TEAD1: variants seen among roughly 807,000 people sequenced by gnomAD.
TEAD1 encodes transcriptional enhancer factor TEF-1.
Under a neutral mutation model 54.9 loss-of-function variants are expected in TEAD1, and 9 were observed. That is an observed-to-expected ratio of 0.16 (90% CI 0.10 to 0.29). The LOEUF (loss-of-function observed/expected upper bound fraction) is 0.29, where lower values mean the gene tolerates loss of function less well. TEAD1 is among the 10% of genes least tolerant of loss of function. The probability of loss-of-function intolerance (pLI) is 1.00; values close to 1 mark genes in which losing one functional copy is unlikely to be tolerated. For missense variants in TEAD1, 387 were observed against 535.9 expected, an observed-to-expected ratio of 0.72 and a Z score of 2.74; for synonymous variants, 200 against 187.8, an observed-to-expected ratio of 1.07 and a Z score of -0.53.
chr11:12,699,493 C>A (rs1200719223), intron 2 of TEAD1, among the ~76,000 whole-genome samples: 1 of 152,152 alleles, frequency 6.6e-6, no homozygotes, highest in East Asian at 1.9e-4. Flanking sequence ...TACTTCAGAG[C>A]ATTTTTCAGT....
chr11:12,852,470 C>CA, intron 3 of TEAD1, among the ~76,000 whole-genome samples: 1 of 141,938 alleles, frequency 7.0e-6, no homozygotes, highest in East Asian at 2.1e-4. Flanking sequence ...TTTTTCGAGA[C>CA]AGAGTCTCAC....
chr11:12,852,174 A>G (rs150868961), intron 3 of TEAD1, among the ~76,000 whole-genome samples: 400 of 152,356 alleles, frequency 2.6e-3, no homozygotes, highest in African/African-American at 9.2e-3. Flanking sequence ...GGGGAACTCT[A>G]TGAAGAGCCA....
At chr11:12,833,087 CTTG>C (rs1946815296) in intron 3 of TEAD1, among the ~76,000 whole-genome samples, 1 of 152,194 alleles carries the variant, frequency 6.6e-6, no homozygotes. Flanking sequence ...ATAGTTAGTT[CTTG>C]TTAATTGACA....
chr11:12,772,144 A>G (rs1365498983), intron 3 of TEAD1, among the ~76,000 whole-genome samples: 1 of 152,248 alleles, frequency 6.6e-6, no homozygotes, highest in Non-Finnish European at 1.5e-5. Flanking sequence ...GTTTTGGTGC[A>G]GGAAATGAAT....
chr11:12,771,850 G>T (rs1331106391), intron 3 of TEAD1, among the ~76,000 whole-genome samples: 1 of 152,170 alleles, frequency 6.6e-6, no homozygotes, highest in Admixed American at 6.5e-5. Context: ...TAAAGTGATT[G>T]CCTTTTTCAG....
chr11:12,866,498 T>C (rs930016674), intron 5 of TEAD1, among the ~76,000 whole-genome samples: 1 of 152,230 alleles, frequency 6.6e-6, no homozygotes, highest in Non-Finnish European at 1.5e-5. Context: ...TTTTCTTCCA[T>C]AGAAACAATT....
intron 10 of TEAD1, among the ~76,000 whole-genome samples, chr11:12,908,186 C>T (rs949074145): frequency 8.5e-5 from 13 of 152,104 alleles, no homozygotes; most frequent in East Asian, 1.9e-4. Flanking sequence ...ATATGCAAAC[C>T]AACCAGTCCA....
In TEAD1 at chr11:12,883,241, G is replaced by T. The variant is rs953175234; in HGVS notation, c.699+116G>T. On this transcript the variant is annotated intron_variant, in intron 9 of 12. Transcript: ENST00000527636. ...CCGCCCCATGCCTGACAAATATCCT[G>T]TGTGAAAACGGGCCTAGGAAAGAAT... 2.0e-6 allele frequency: 3 copies of T among 1,500,472 alleles called. No individual in the cohort carries two copies. The African/African-American group carries it at 4.1e-5, about 21-fold the overall frequency. 92.9% of individuals were successfully genotyped at this position (1,500,472 alleles called of 1,614,324 possible).
At chr11:12,713,873 C>A (rs1422985623) in intron 2 of TEAD1, among the ~76,000 whole-genome samples, 2 of 152,122 alleles carry the variant, frequency 1.3e-5, no homozygotes, top group Non-Finnish European at 2.9e-5. Flanking sequence ...ACTAATGTCC[C>A]AATATATTTG....
chr11:12,689,503 G>C (rs1943406854), intron 2 of TEAD1, among the ~76,000 whole-genome samples: 1 of 152,200 alleles, frequency 6.6e-6, no homozygotes, highest in Non-Finnish European at 1.5e-5. Flanking sequence ...TGCAGGTTCA[G>C]TGAGGGTGAG....
chr11:12,873,046 C>T (rs1412499816), intron 5 of TEAD1, among the ~76,000 whole-genome samples: 7 of 152,330 alleles, frequency 4.6e-5, no homozygotes, highest in Middle Eastern at 3.4e-3. Context: ...AAGCCAAGCT[C>T]TTTGCAGGAT....
intron 3 of TEAD1, among the ~76,000 whole-genome samples, chr11:12,816,911 C>T (rs924755476): frequency 1.3e-5 from 2 of 152,178 alleles, no homozygotes; most frequent in Admixed American, 1.3e-4. Flanking sequence ...AAGATGCCTT[C>T]TCTGGCCATC....
At chr11:12,895,201 C>A (rs936984903) in intron 9 of TEAD1, among the ~76,000 whole-genome samples, 19 of 152,018 alleles carry the variant, frequency 1.2e-4, no homozygotes, top group South Asian at 2.1e-4. Flanking sequence ...CTTTATTAAC[C>A]CCCCCCGGGT....
intron 2 of TEAD1, among the ~76,000 whole-genome samples, chr11:12,717,438 T>C (rs956506573): frequency 6.6e-6 from 1 of 152,188 alleles, no homozygotes; most frequent in Non-Finnish European, 1.5e-5. Context: ...GACAGTGGAA[T>C]TACACCTCCA....
chr11:12,683,269 T>C (rs1943262396), intron 2 of TEAD1, among the ~76,000 whole-genome samples: 1 of 152,250 alleles, frequency 6.6e-6, no homozygotes, highest in South Asian at 2.1e-4. Flanking sequence ...AAAATCCTGC[T>C]GCATCTTATC....
At chr11:12,728,830 T>TG (rs779728154) in intron 2 of TEAD1, among the ~76,000 whole-genome samples, 1 of 152,240 alleles carries the variant, frequency 6.6e-6, no homozygotes, top group Non-Finnish European at 1.5e-5. Context: ...GTAGAATTCT[T>TG]GCCATGCTTT....
chr11:12,883,443 G>A (rs753798287), intron 9 of TEAD1, among the ~76,000 whole-genome samples: 14 of 152,136 alleles, frequency 9.2e-5, no homozygotes, highest in Non-Finnish European at 1.8e-4. Context: ...CATTTATTGA[G>A]CCTTGCCATA....
rs1348793246 is a variant in TEAD1, at chr11:12,942,371, C to T, written c.*5149C>T. The T allele has an allele frequency of 2.0e-5, 3 of 152,320 alleles. No individual in the cohort carries two copies. Among genetic ancestry groups the T allele is most frequent in the Admixed American group, 1.3e-4 (2 of 15,286 alleles). 9.4% of individuals were successfully genotyped at this position (152,320 alleles called of 1,614,324 possible). A position where few individuals can be genotyped will look rare whatever the true frequency, so the allele number is the denominator to read the frequency against. ...CAGGCCTCTGTTCACAAGAGCACGA[C>T]GTGGTCCCCGCCTGCTGCTAGTCTG... is the stretch of plus-strand genomic sequence containing the variant. On this transcript the variant is annotated 3_prime_UTR_variant, in exon 13 of 13. Coordinates refer to ENST00000527636, the MANE Select transcript of TEAD1 (RefSeq NM_021961.6).
In TEAD1 at chr11:12,939,966, C is replaced by G. The variant is rs552732100; in HGVS notation, c.*2744C>G. The G allele has an allele frequency of 6.6e-6, 1 of 152,286 alleles. No homozygotes were observed. The highest frequency in any genetic ancestry group is 2.4e-5 in the African/African-American group (1 of 41,532). 9.4% of individuals were successfully genotyped at this position (152,286 alleles called of 1,614,324 possible). A position where few individuals can be genotyped will look rare whatever the true frequency, so the allele number is the denominator to read the frequency against. On this transcript the variant is annotated 3_prime_UTR_variant, in exon 13 of 13. Transcript: ENST00000527636. ...AGCTTTCTAAAGCATACTAAAGAAG[C>G]CTTCCCAGAGCCCCGTCTTGCTTCT... is the stretch of plus-strand genomic sequence containing the variant.
Sources: allele counts gnomAD v4.1 joint callset (sites outside exome capture counted in the v4.1 genomes callset), GRCh38; gene constraint gnomAD v4.1.1; transcripts MANE v1.5; gene names NCBI Gene and HGNC (gene_info 2026-07-23, HGNC 2026-07-21).